Variants in PARD3B observed in about 807,000 individuals in gnomAD.
PARD3B encodes the protein par-3 family cell polarity regulator beta.
In PARD3B, 103 loss-of-function variants were observed where a neutral mutation model predicts 130.2. The ratio of observed to expected loss-of-function variants is 0.79; its 90% CI spans 0.67 to 0.93. The LOEUF is 0.93. PARD3B is among the 40% of genes least tolerant of loss of function. The pLI, the probability that PARD3B is intolerant of heterozygous loss-of-function variation, is 0.00. For synonymous variants in PARD3B, 583 were observed against 553.2 expected (o/e 1.05, Z -0.76); for missense variants, 1,609 against 1,499.2 (o/e 1.07, Z -1.21).
rs554902118 is a variant in PARD3B, at chr2:205,354,865, T to A, written c.2631-46148T>A. On this transcript the variant is annotated intron_variant, in intron 18 of 22. Coordinates refer to ENST00000406610, the MANE Select transcript of PARD3B (RefSeq NM_001302769.2). ...TGCAGGTTGTTATAGGATGTTAATCTCCTGGGACAGAATGGGAATAGGTAA... is the reference window on the plus strand; with the variant it reads ...TGCAGGTTGTTATAGGATGTTAATCACCTGGGACAGAATGGGAATAGGTAA... Among the ~76,000 whole-genome samples the A allele has an allele frequency of 3.3e-5, 5 of 152,288 alleles. No homozygotes were observed. The South Asian group carries it at 1.0e-3, about 32-fold the overall frequency.
chr2:205,022,481 T>C (rs931242711), intron 3 of PARD3B, among the ~76,000 whole-genome samples: 1 of 152,226 alleles, frequency 6.6e-6, no homozygotes, highest in Non-Finnish European at 1.5e-5. Context: ...GCCCTGTTTT[T>C]AAATAGAGTT....
chr2:205,328,575 T>C (rs966466510), intron 18 of PARD3B, among the ~76,000 whole-genome samples: 2 of 152,180 alleles, frequency 1.3e-5, no homozygotes, highest in African/African-American at 4.8e-5. Flanking sequence ...ATCAAATGCA[T>C]GAGTTATTTT....
At chr2:205,009,278 G>GA (rs1165924649) in intron 3 of PARD3B, among the ~76,000 whole-genome samples, 2 of 152,088 alleles carry the variant, frequency 1.3e-5, no homozygotes, top group Admixed American at 6.5e-5. Flanking sequence ...ATATTTTCTA[G>GA]AAAAAATTAA....
At chr2:204,915,632 A>T (rs2047414697) in intron 2 of PARD3B, among the ~76,000 whole-genome samples, 1 of 152,210 alleles carries the variant, frequency 6.6e-6, no homozygotes, top group African/African-American at 2.4e-5. Context: ...ACATAAAGAT[A>T]TTTTAGTGAG....
chr2:204,842,327 A>G (rs1274139767), intron 2 of PARD3B, among the ~76,000 whole-genome samples: 1 of 152,174 alleles, frequency 6.6e-6, no homozygotes, highest in Admixed American at 6.5e-5. Flanking sequence ...GGTAGTGGGA[A>G]AAAGAAAAAT....
intron 2 of PARD3B, among the ~76,000 whole-genome samples, chr2:204,917,765 A>G (rs1374408766): frequency 6.6e-6 from 1 of 152,216 alleles, no homozygotes; most frequent in Non-Finnish European, 1.5e-5. Context: ...TTTGTTGTTC[A>G]AATAAAAACT....
At position 204,772,056 on chromosome 2, in the gene PARD3B, G is replaced by A. The variant is rs577459622; in HGVS notation, c.222+85774G>A. On this transcript the variant is annotated intron_variant, in intron 2 of 22. Coordinates refer to ENST00000406610, the MANE Select transcript of PARD3B (RefSeq NM_001302769.2). Reference sequence around the variant, plus strand: ...TGTCTTTGCATGAACAAAACAATTAGTAAAGGTGACTTTCTTCCTAAGAAG... The same window carrying A: ...TGTCTTTGCATGAACAAAACAATTAATAAAGGTGACTTTCTTCCTAAGAAG... 2.6e-5 allele frequency among the ~76,000 whole-genome samples: 4 copies of A among 152,138 alleles called. No individual in the cohort carries two copies. In the South Asian group the frequency reaches 8.3e-4, roughly 32 times the overall value.
intron 3 of PARD3B, among the ~76,000 whole-genome samples, chr2:204,977,988 C>A (rs1165452820): frequency 1.3e-5 from 2 of 152,068 alleles, no homozygotes; most frequent in South Asian, 4.1e-4. Context: ...AAAGCTGAAG[C>A]TGGCAGAGAG....
intron 19 of PARD3B, among the ~76,000 whole-genome samples, chr2:205,411,844 G>A (rs1303921107): frequency 3.3e-5 from 5 of 152,122 alleles, no homozygotes; most frequent in Non-Finnish European, 7.4e-5. Context: ...AGTGTGGGGG[G>A]TGCTGGCTGC....
chr2:204,578,030 A>C (rs1378553335), intron 1 of PARD3B, among the ~76,000 whole-genome samples: 1 of 152,190 alleles, frequency 6.6e-6, no homozygotes, highest in Non-Finnish European at 1.5e-5. Flanking sequence ...TGTTAGAGTG[A>C]GGCCAAGGAT....
chr2:205,150,624 C>A (rs2033689154), intron 10 of PARD3B, among the ~76,000 whole-genome samples: 2 of 152,094 alleles, frequency 1.3e-5, no homozygotes, highest in South Asian at 4.1e-4. Context: ...CTAATTATGG[C>A]TTAAGCCTGG....
rs376914074 is a variant in PARD3B at position 204,984,909 on chromosome 2, A to AC, written c.394+19593dup. On this transcript the variant is annotated intron_variant, in intron 3 of 22. Transcript: ENST00000406610. ...ACTGCTCACCTTTGTTCCACTGCCC[A>AC]CCCCCCCGCACCCCACCCCAGATGA... Among the ~76,000 whole-genome samples, 303 of 141,222 alleles carry AC rather than the reference A, an allele frequency of 2.1e-3. 3 individuals carry two copies. Among genetic ancestry groups the AC allele is most frequent in the African/African-American group, 7.5e-3 (289 of 38,764 alleles). 92.6% of individuals were successfully genotyped at this position (141,222 alleles called of 152,430 possible).
intron 4 of PARD3B, among the ~76,000 whole-genome samples, chr2:205,069,599 G>T (rs1221657772): frequency 6.6e-6 from 1 of 151,846 alleles, no homozygotes; most frequent in East Asian, 1.9e-4. Context: ...ACAGAAATTT[G>T]AAGTAGATTA....
intron 20 of PARD3B, among the ~76,000 whole-genome samples, chr2:205,453,365 G>A (rs2048168067): frequency 6.6e-6 from 1 of 152,068 alleles, no homozygotes; most frequent in Non-Finnish European, 1.5e-5. Flanking sequence ...CCAGCTGGAG[G>A]CCAGAGATGA....
chr2:205,553,253 A>C (rs953653369), intron 21 of PARD3B, 71 bp from the exon 22 acceptor site: 21 of 1,438,426 alleles, frequency 1.5e-5, no homozygotes, highest in Non-Finnish European at 1.9e-5. Context: ...ACTGATTATA[A>C]TTTCGAGATG....
Position 205,015,204 on chromosome 2 carries a change from G to A in PARD3B, c.395-32377G>A, listed in dbSNP as rs1389391913. ...TGTATTCTTACAATAAAGTAAGCTA[G>A]AGGAAAGAAAAAATTATCAAGGAAA... On this transcript the variant is annotated intron_variant, in intron 3 of 22. Transcript: ENST00000406610. The surrounding 1 kb of genome is among the most constrained non-coding windows in gnomAD (Gnocchi z 4.5). Among the ~76,000 whole-genome samples, 1 of 152,018 alleles carries A rather than the reference G, an allele frequency of 6.6e-6. No individual in the cohort carries two copies. Among genetic ancestry groups the A allele is most frequent in the Non-Finnish European group, 1.5e-5 (1 of 68,008 alleles).
intron 1 of PARD3B, among the ~76,000 whole-genome samples, chr2:204,639,780 A>G (rs865932750): frequency 2.0e-5 from 3 of 152,174 alleles, no homozygotes; most frequent in African/African-American, 4.8e-5. Context: ...AATTCTGTCA[A>G]TGACTTTTTA....
chr2:205,165,999 G>C (rs533090865), intron 11 of PARD3B, among the ~76,000 whole-genome samples: 4 of 152,098 alleles, frequency 2.6e-5, no homozygotes, highest in African/African-American at 9.6e-5. Context: ...AGACAGCTTA[G>C]GTTCGTGACT....
At chr2:204,878,276 G>A (rs1053162433) in intron 2 of PARD3B, among the ~76,000 whole-genome samples, 1 of 152,068 alleles carries the variant, frequency 6.6e-6, no homozygotes, top group Non-Finnish European at 1.5e-5. Context: ...TTTATAGGAG[G>A]TGACAATGAT....
Sources: gnomAD v4.1 joint callset for allele counts (sites outside exome capture counted in the v4.1 genomes callset) on GRCh38, gnomAD v4.1.1 for gene constraint, Gnocchi (gnomAD v3.1) non-coding constraint, MANE v1.5 for transcripts, NCBI Gene and HGNC (gene_info 2026-07-23, HGNC 2026-07-21) for gene names.